Variants in LEKR1 observed in about 807,000 individuals in gnomAD.
LEKR1 encodes the protein leucine, glutamate and lysine rich 1, also known as protein LEKR1.
In LEKR1, 59 loss-of-function variants were observed where a neutral mutation model predicts 72.4. The observed-to-expected ratio is 0.82, with a 90% CI of 0.66 to 1.01. The LOEUF (loss-of-function observed/expected upper bound fraction) is 1.01, where lower values mean the gene tolerates loss of function less well. Among genes scored for constraint, LEKR1 ranks in the 50% least tolerant of loss-of-function variants. LEKR1 has a pLI of 0.00. For missense variants in LEKR1, 728 were observed against 759.2 expected (o/e 0.96, Z 0.48); for synonymous variants, 257 against 263.2 (o/e 0.98, Z 0.23).
At chr3:157,036,515 A>C (rs907729900) in intron 12 of LEKR1, among the ~76,000 whole-genome samples, 1 of 152,304 alleles carries the variant, frequency 6.6e-6, no homozygotes, top group Admixed American at 6.5e-5. Context: ...AGATATTTTC[A>C]GACTTAAGAG....
intron 9 of LEKR1, among the ~76,000 whole-genome samples, chr3:156,998,284 G>A (rs915118205): frequency 4.6e-5 from 7 of 152,054 alleles, no homozygotes; most frequent in African/African-American, 1.4e-4. Context: ...TATTTCTATA[G>A]TAAAATATGT....
intron 3 of LEKR1, among the ~76,000 whole-genome samples, chr3:156,854,538 T>G (rs1715803352): frequency 6.6e-6 from 1 of 150,548 alleles, no homozygotes; most frequent in African/African-American, 2.4e-5. Context: ...TCTCTTTTCT[T>G]TCTTTCCTTT....
At chr3:156,981,523 G>A (rs957669845) in intron 7 of LEKR1, among the ~76,000 whole-genome samples, 5 of 152,172 alleles carry the variant, frequency 3.3e-5, no homozygotes, top group African/African-American at 9.7e-5. Context: ...TGGAGATGAT[G>A]CCCATTTTTA....
chr3:156,967,322 A>G (rs892695001), intron 6 of LEKR1, among the ~76,000 whole-genome samples: 1 of 152,038 alleles, frequency 6.6e-6, no homozygotes, highest in Non-Finnish European at 1.5e-5. Flanking sequence ...CGATCAAACT[A>G]CTCTGAGCTA....
chr3:157,036,166 C>T (rs1734956065), intron 12 of LEKR1, among the ~76,000 whole-genome samples: 1 of 151,818 alleles, frequency 6.6e-6, no homozygotes, highest in Non-Finnish European at 1.5e-5. Context: ...CAAAACAATA[C>T]AGGGAGCAAA....
chr3:156,975,185 A>G (rs1729583319), intron 6 of LEKR1, among the ~76,000 whole-genome samples: 1 of 152,172 alleles, frequency 6.6e-6, no homozygotes, highest in South Asian at 2.1e-4. Flanking sequence ...TGGCACTCTA[A>G]AGAGCTCCTG....
At chr3:156,988,886 C>T (rs184422260) in intron 7 of LEKR1, among the ~76,000 whole-genome samples, 26 of 152,264 alleles carry the variant, frequency 1.7e-4, no homozygotes, top group African/African-American at 6.3e-4. Flanking sequence ...GGCTGGAGTG[C>T]AATGGTGCGA....
At chr3:156,983,927 C>T (rs1319495119) in intron 7 of LEKR1, among the ~76,000 whole-genome samples, 1 of 152,080 alleles carries the variant, frequency 6.6e-6, no homozygotes, top group African/African-American at 2.4e-5. Flanking sequence ...AACACCTCCC[C>T]CCAAGTCCCC....
intron 6 of LEKR1, among the ~76,000 whole-genome samples, chr3:156,948,937 C>G (rs1726914746): frequency 1.3e-5 from 2 of 150,458 alleles, no homozygotes; most frequent in Non-Finnish European, 1.5e-5. Context: ...CTTTTTTTTC[C>G]TATTTGGCCT....
intron 6 of LEKR1, among the ~76,000 whole-genome samples, chr3:156,945,462 C>A (rs184479078): frequency 5.9e-5 from 9 of 151,608 alleles, no homozygotes; most frequent in African/African-American, 2.2e-4. Flanking sequence ...TGATATGATC[C>A]CATTTGTCCA....
intron 11 of LEKR1, among the ~76,000 whole-genome samples, chr3:157,027,006 G>A (rs188985468): frequency 5.0e-4 from 76 of 152,212 alleles, no homozygotes; most frequent in East Asian, 7.7e-4. Context: ...TGTGCTGTCC[G>A]TCATGATAGC....
intron 9 of LEKR1, among the ~76,000 whole-genome samples, chr3:156,994,750 C>A (rs1312780590): frequency 6.6e-6 from 1 of 152,184 alleles, no homozygotes; most frequent in Admixed American, 6.5e-5. Flanking sequence ...TTTGAAAAGA[C>A]ACCATGGAAT....
chr3:156,954,985 T>C (rs553717807), intron 6 of LEKR1, among the ~76,000 whole-genome samples: 2 of 152,258 alleles, frequency 1.3e-5, no homozygotes, highest in South Asian at 4.1e-4. Flanking sequence ...TTCCTATCCA[T>C]GAGCATGGAA....
chr3:156,943,688 T>C (rs1726434104), intron 6 of LEKR1, among the ~76,000 whole-genome samples: 1 of 151,826 alleles, frequency 6.6e-6, no homozygotes, highest in East Asian at 1.9e-4. Flanking sequence ...AACATCTGTC[T>C]GAGTAAACAC....
At chr3:156,874,773 G>A (rs1195741130) in intron 3 of LEKR1, among the ~76,000 whole-genome samples, 1 of 152,108 alleles carries the variant, frequency 6.6e-6, no homozygotes, top group African/African-American at 2.4e-5. Flanking sequence ...ACTTGTAAGT[G>A]AGAACATACA....
At position 156,899,273 on chromosome 3, in the gene LEKR1, T is replaced by C. The variant is rs1186530837; in HGVS notation, c.264-21302T>C. Among the ~76,000 whole-genome samples, 11 of 146,772 alleles carry C rather than the reference T, an allele frequency of 7.5e-5. No individual in the cohort carries two copies. In the East Asian group the frequency reaches 1.8e-3, roughly 25 times the overall value. On this transcript the variant is annotated intron_variant, in intron 3 of 12. Transcript: ENST00000356539. ...ATATACATATATATATATACACACA[T>C]GTATATATATACATGTATATATACA...
At chr3:156,882,928 C>T (rs1319490082) in intron 3 of LEKR1, among the ~76,000 whole-genome samples, 16 of 151,686 alleles carry the variant, frequency 1.1e-4, no homozygotes, top group Non-Finnish European at 1.3e-4. Context: ...CACATATTCT[C>T]ACTCATAGGT....
intron 5 of LEKR1, among the ~76,000 whole-genome samples, chr3:156,937,738 T>A (rs1576860024): frequency 1.3e-5 from 2 of 152,210 alleles, no homozygotes; most frequent in African/African-American, 4.8e-5. Flanking sequence ...GCGGCTGTAG[T>A]CATAATAGCC....
At chr3:156,938,886 C>T (rs1051883018) in intron 5 of LEKR1, among the ~76,000 whole-genome samples, 16 of 152,072 alleles carry the variant, frequency 1.1e-4, no homozygotes, top group African/African-American at 3.9e-4. Context: ...TTTGCCTAAG[C>T]TCACAGGACT....
Sources: allele counts gnomAD v4.1 joint callset (sites outside exome capture counted in the v4.1 genomes callset), GRCh38; gene constraint gnomAD v4.1.1; transcripts MANE v1.5; gene names NCBI Gene and HGNC (gene_info 2026-07-23, HGNC 2026-07-21).